Variants in JMJD1C observed in about 807,000 individuals in gnomAD.
JMJD1C encodes the protein jumonji domain containing 1C, also known as jumonji domain-containing protein 1C.
A neutral mutation model predicts 245.3 loss-of-function variants in JMJD1C; 31 were observed. The ratio of observed to expected loss-of-function variants is 0.13; its 90% CI spans 0.09 to 0.17. The LOEUF (loss-of-function observed/expected upper bound fraction) is 0.17, where lower values mean the gene tolerates loss of function less well. Among genes scored for constraint, JMJD1C ranks in the 10% least tolerant of loss-of-function variants. The pLI is 1.00. For synonymous variants in JMJD1C, 1,057 were observed against 1,017.4 expected, an observed-to-expected ratio of 1.04 and a Z score of -0.74; for missense variants, 2,691 against 3,000.2, an observed-to-expected ratio of 0.90 and a Z score of 2.41.
At chr10:63,265,340 A>T (rs1215196458) in intron 2 of JMJD1C, among the ~76,000 whole-genome samples, 1 of 151,032 alleles carries the variant, frequency 6.6e-6, no homozygotes, top group Non-Finnish European at 1.5e-5. Flanking sequence ...GGGAGTAGAG[A>T]GAGTCCGGTA....
chr10:63,296,762 A>G (rs936384863), intron 2 of JMJD1C, among the ~76,000 whole-genome samples: 2 of 152,226 alleles, frequency 1.3e-5, no homozygotes, highest in Non-Finnish European at 2.9e-5. Context: ...GAGATCAGCT[A>G]TATTTTCTAC....
chr10:63,194,494 G>C, intron 13 of JMJD1C, 119 bp from the exon 14 acceptor site: 1 of 591,460 alleles, frequency 1.7e-6, no homozygotes, highest in Non-Finnish European at 3.0e-6. Flanking sequence ...CAGCCAAAGA[G>C]AAAAAGAAAA....
At chr10:63,198,777 A>T in intron 11 of JMJD1C, 50 bp from the exon 12 acceptor site, 2 of 1,069,280 alleles carry the variant, frequency 1.9e-6, no homozygotes, top group Non-Finnish European at 2.7e-6. Flanking sequence ...TTAAAACATA[A>T]GTCCAGTCTT....
chr10:63,519,026 A>G (rs570706950), intron 1 of JMJD1C, among the ~76,000 whole-genome samples: 13 of 152,194 alleles, frequency 8.5e-5, no homozygotes, highest in Non-Finnish European at 1.3e-4. Flanking sequence ...AATAAACGCT[A>G]TATGGCTTTT....
At chr10:63,183,942 T>C (rs1843786545) in intron 21 of JMJD1C, among the ~76,000 whole-genome samples, 1 of 152,254 alleles carries the variant, frequency 6.6e-6, no homozygotes. Flanking sequence ...AGTAATTCTT[T>C]TTTTGAGAAG....
Position 63,465,785 on chromosome 10 carries a change from G to A in JMJD1C, c.-123C>T. 2 of 1,204,954 alleles carry A rather than the reference G, an allele frequency of 1.7e-6. No homozygotes were observed. The highest frequency in any genetic ancestry group is 1.9e-4 in the Middle Eastern group (1 of 5,364). The allele number at this position is 1,204,954 out of a possible 1,614,324, so 74.6% of individuals were successfully genotyped here. ...GACACAGCAGCGGACCCGAAAGAGCGCAGACTCGGGACGAACCGGCCGCTC... is the reference window on the plus strand; with the variant it reads ...GACACAGCAGCGGACCCGAAAGAGCACAGACTCGGGACGAACCGGCCGCTC... On this transcript the variant is annotated 5_prime_UTR_variant, in exon 1 of 26. Coordinates refer to ENST00000399262, the MANE Select transcript of JMJD1C (RefSeq NM_032776.3).
At chr10:63,517,761 C>T (rs547847306) in intron 1 of JMJD1C, among the ~76,000 whole-genome samples, 1 of 149,488 alleles carries the variant, frequency 6.7e-6, no homozygotes, top group Non-Finnish European at 1.5e-5. Context: ...TTATCTTATA[C>T]AGTGAAGTAC....
chr10:63,185,671 AATT>A lies in JMJD1C; in HGVS notation c.6740-21_6740-19del. ...CTGCCGTTCTATAAGGAATGCAGTT[AATT>A]ACTAAAAGGGTAATTTCTGCCTTTT... On this transcript the variant is annotated intron_variant, in intron 19 of 25. Coordinates refer to ENST00000399262, the MANE Select transcript of JMJD1C (RefSeq NM_032776.3). 7.2e-7 allele frequency: 1 copy of A among 1,380,092 alleles called. No homozygotes were observed. Among genetic ancestry groups the A allele is most frequent in the Non-Finnish European group, 1.0e-6 (1 of 972,494 alleles). The allele number at this position is 1,380,092 out of a possible 1,614,324, so 85.5% of individuals were successfully genotyped here.
rs71025169 is a variant in JMJD1C at position 63,387,629 on chromosome 10, A to ATTTTTTTT, written c.169-7155_169-7148dup. Among the ~76,000 whole-genome samples, 74 of 37,870 alleles carry ATTTTTTTT rather than the reference A, an allele frequency of 2.0e-3. 7 individuals are homozygous for ATTTTTTTT. The highest frequency in any genetic ancestry group is 0.015 in the South Asian group (12 of 810). 24.8% of individuals were successfully genotyped at this position (37,870 alleles called of 152,430 possible). A position where few individuals can be genotyped will look rare whatever the true frequency, so the allele number is the denominator to read the frequency against. ...AGTCAGAAGAAAAAAGAAAAAAAAA[A>ATTTTTTTT]TTTTTTTTTTTTTTTTTTTTTTTTG... On this transcript the variant is annotated intron_variant, in intron 1 of 25. Transcript: ENST00000399262.
chr10:63,209,298 G>T, intron 8 of JMJD1C, 63 bp from the exon 9 acceptor site: 1 of 1,367,494 alleles, frequency 7.3e-7, no homozygotes, highest in Non-Finnish European at 9.9e-7. Context: ...GCTAAACACC[G>T]TGTCACAGTA....
At chr10:63,520,505 CAAAAA>C (rs34697427) in intron 1 of JMJD1C, among the ~76,000 whole-genome samples, 1 of 111,334 alleles carries the variant, frequency 9.0e-6, no homozygotes, top group Admixed American at 8.4e-5. Context: ...GGTACTGTCA[CAAAAA>C]AAAAAAAAAA....
intron 2 of JMJD1C, among the ~76,000 whole-genome samples, chr10:63,284,525 C>A (rs979568304): frequency 6.6e-6 from 1 of 152,064 alleles, no homozygotes; most frequent in Admixed American, 6.6e-5. Flanking sequence ...AAACACCAAC[C>A]CTTCATTAAC....
In JMJD1C at chr10:63,215,568, G is replaced by A; in HGVS notation, c.807C>T (p.Asn269=). The A allele has an allele frequency of 2.5e-6, 4 of 1,609,256 alleles. No individual in the cohort carries two copies. The highest frequency in any genetic ancestry group is 1.3e-5 in the African/African-American group (1 of 74,922). The change falls in exon 6 of 26, where the codon AAC becomes AAT. Residue 269 remains asparagine (N), a synonymous_variant. Transcript: ENST00000399262. ...TSRRRSRANQ[N]VNAVHSHYTR... is the part of the protein sequence containing the mutation. ...ACATACATACGTGAACAGCGTTGAC[G>A]TTTTGATTGGCACGAGACCTGCGTC... is the stretch of plus-strand genomic sequence containing the variant.
chr10:63,412,322 T>C (rs182529653), intron 1 of JMJD1C, among the ~76,000 whole-genome samples: 2 of 152,120 alleles, frequency 1.3e-5, no homozygotes, highest in East Asian at 1.9e-4. Context: ...CAAGAGAAAA[T>C]ACATTTACAG....
At chr10:63,238,162 C>T (rs1850999864) in intron 3 of JMJD1C, among the ~76,000 whole-genome samples, 1 of 128,976 alleles carries the variant, frequency 7.8e-6, no homozygotes, top group South Asian at 2.4e-4. Context: ...GCCTGGGTGA[C>T]AGTGTGAGAC....
intron 1 of JMJD1C, among the ~76,000 whole-genome samples, chr10:63,488,564 T>A (rs191223253): frequency 2.0e-5 from 3 of 152,024 alleles, no homozygotes; most frequent in Admixed American, 2.0e-4. Flanking sequence ...CTGTACTATA[T>A]TTAAAGATAA....
chr10:63,416,401 G>A (rs562376488), intron 1 of JMJD1C, among the ~76,000 whole-genome samples: 20 of 150,166 alleles, frequency 1.3e-4, no homozygotes, highest in African/African-American at 2.7e-4. Context: ...ATCCGTAATT[G>A]CAGGAAAAAT....
chr10:63,424,062 T>C (rs1203594671), intron 1 of JMJD1C, among the ~76,000 whole-genome samples: 1 of 151,850 alleles, frequency 6.6e-6, no homozygotes, highest in South Asian at 2.1e-4. Context: ...TATGATTGTG[T>C]GTATTTTTTT....
At chr10:63,217,597 G>A (rs1288223527) in intron 4 of JMJD1C, 3 of 230,844 alleles carry the variant, frequency 1.3e-5, no homozygotes, top group Non-Finnish European at 2.5e-5. Context: ...GAGTTAATAA[G>A]AGAACAGTTC....
Sources: allele counts gnomAD v4.1 joint callset (sites outside exome capture counted in the v4.1 genomes callset), GRCh38; gene constraint gnomAD v4.1.1; transcripts MANE v1.5; gene names NCBI Gene and HGNC (gene_info 2026-07-23, HGNC 2026-07-21).